Variants in C12orf42 observed in about 807,000 individuals in gnomAD.
The protein encoded by C12orf42 is chromosome 12 open reading frame 42.
In C12orf42, 25 loss-of-function variants were observed where a neutral mutation model predicts 21.6. The ratio of observed to expected loss-of-function variants is 1.16; its 90% CI spans 0.84 to 1.62. The LOEUF (loss-of-function observed/expected upper bound fraction) is 1.62. C12orf42 is among the 40% of genes most tolerant of loss of function. C12orf42 has a pLI of 0.00. For synonymous variants in C12orf42, 174 were observed against 175.0 expected (o/e 0.99, Z 0.05); for missense variants, 483 against 459.3 (o/e 1.05, Z -0.47).
intron 3 of C12orf42, among the ~76,000 whole-genome samples, chr12:103,395,620 C>A (rs2047463991): frequency 1.3e-5 from 2 of 152,076 alleles, no homozygotes; most frequent in Admixed American, 6.5e-5. Context: ...CAGGCGTGAG[C>A]CACCACGCCA....
the C12orf42 span, among the ~76,000 whole-genome samples, chr12:103,508,075 A>G: frequency 1.3e-5 from 2 of 152,294 alleles, no homozygotes. Context: ...TGAGTCCAAT[A>G]TCTTATTTTC....
the C12orf42 span, among the ~76,000 whole-genome samples, chr12:103,101,252 AAGG>A: frequency 1.3e-5 from 2 of 152,198 alleles, no homozygotes; most frequent in African/African-American, 2.4e-5. Context: ...TAGAACAGTA[AAGG>A]TAAAAACTGT....
At chr12:103,521,993 T>G in the C12orf42 span, among the ~76,000 whole-genome samples, 1 of 152,206 alleles carries the variant, frequency 6.6e-6, no homozygotes, top group Non-Finnish European at 1.5e-5. Context: ...CCCTCAGTTG[T>G]GCTGTCTCCT....
At chr12:103,563,692 T>A in the C12orf42 span, among the ~76,000 whole-genome samples, 2 of 151,972 alleles carry the variant, frequency 1.3e-5, no homozygotes, top group African/African-American at 4.8e-5. Flanking sequence ...ATGATCCACA[T>A]GAAAAACTGA....
At chr12:103,241,978 A>G (rs2033772131) in intron 10 of C12orf42, among the ~76,000 whole-genome samples, 1 of 152,192 alleles carries the variant, frequency 6.6e-6, no homozygotes, top group Non-Finnish European at 1.5e-5. Context: ...TTATTTAATT[A>G]AACACTTGCT....
At chr12:103,312,975 C>T (rs923884950) in intron 4 of C12orf42, among the ~76,000 whole-genome samples, 2 of 152,202 alleles carry the variant, frequency 1.3e-5, no homozygotes, top group Non-Finnish European at 2.9e-5. Flanking sequence ...AGCGAGCTGA[C>T]CACTTCACAC....
At chr12:103,052,555 A>G in the C12orf42 span, among the ~76,000 whole-genome samples, 1 of 151,984 alleles carries the variant, frequency 6.6e-6, no homozygotes, top group Non-Finnish European at 1.5e-5. Context: ...GGAGTTATTT[A>G]TATATTCTGG....
chr12:103,320,055 G>A (rs747364808), intron 4 of C12orf42, among the ~76,000 whole-genome samples: 9 of 152,088 alleles, frequency 5.9e-5, no homozygotes, highest in African/African-American at 1.7e-4. Context: ...TTTCACAACC[G>A]AGAAAGAAAA....
At chr12:103,553,685 C>A in the C12orf42 span, among the ~76,000 whole-genome samples, 9 of 152,320 alleles carry the variant, frequency 5.9e-5, no homozygotes, top group East Asian at 1.7e-3. Flanking sequence ...CCAGTCCCCA[C>A]CCCAGCCCCA....
At chr12:103,056,914 A>G in the C12orf42 span, among the ~76,000 whole-genome samples, 12 of 152,134 alleles carry the variant, frequency 7.9e-5, no homozygotes, top group Non-Finnish European at 1.3e-4. Context: ...GCACGTTCAT[A>G]ATTGCTTGTT....
chr12:103,071,868 T>C, the C12orf42 span, among the ~76,000 whole-genome samples: 1 of 152,034 alleles, frequency 6.6e-6, no homozygotes, highest in Non-Finnish European at 1.5e-5. Flanking sequence ...AGACCAAAAA[T>C]AGGATAATTA....
intron 2 of C12orf42, among the ~76,000 whole-genome samples, chr12:103,432,103 A>T (rs1311762341): frequency 6.6e-6 from 1 of 152,128 alleles, no homozygotes; most frequent in Non-Finnish European, 1.5e-5. Flanking sequence ...GGCTGTCCAC[A>T]TGTGTAGTGT....
the C12orf42 span, among the ~76,000 whole-genome samples, chr12:103,078,550 T>G: frequency 6.6e-6 from 1 of 152,206 alleles, no homozygotes; most frequent in Non-Finnish European, 1.5e-5. Context: ...CTGATTTAAT[T>G]GTCAAACATA....
chr12:103,398,693 CT>C (rs1156322818), intron 3 of C12orf42, among the ~76,000 whole-genome samples: 3 of 151,786 alleles, frequency 2.0e-5, no homozygotes, highest in Admixed American at 6.6e-5. Flanking sequence ...ATAATATTAC[CT>C]TTTTTTTCTG....
chr12:103,108,612 T>G, the C12orf42 span, among the ~76,000 whole-genome samples: 1 of 152,122 alleles, frequency 6.6e-6, no homozygotes. Flanking sequence ...GAAGGAATCT[T>G]TCTGAAAGAC....
At chr12:103,374,809 C>T (rs757580288) in intron 3 of C12orf42, among the ~76,000 whole-genome samples, 3 of 152,134 alleles carry the variant, frequency 2.0e-5, no homozygotes, top group Non-Finnish European at 2.9e-5. Flanking sequence ...TGGTTGCTCT[C>T]GTTCAACCTA....
intron 3 of C12orf42, among the ~76,000 whole-genome samples, chr12:103,375,635 G>A (rs1593687245): frequency 6.6e-6 from 1 of 152,126 alleles, no homozygotes; most frequent in African/African-American, 2.4e-5. Flanking sequence ...TGTTCAGCTT[G>A]TAGGTTCAGA....
intron 4 of C12orf42, among the ~76,000 whole-genome samples, chr12:103,333,932 A>G (rs892169485): frequency 1.3e-5 from 2 of 152,238 alleles, no homozygotes; most frequent in Non-Finnish European, 2.9e-5. Flanking sequence ...TAACAGCAGC[A>G]TAAGTGCCTG....
At chr12:103,432,262 C>G (rs1430759735) in intron 2 of C12orf42, among the ~76,000 whole-genome samples, 1 of 152,152 alleles carries the variant, frequency 6.6e-6, no homozygotes, top group Non-Finnish European at 1.5e-5. Flanking sequence ...AGATCTTAGC[C>G]ACAAGATGCT....
Sources: gnomAD v4.1 joint callset for allele counts (sites outside exome capture counted in the v4.1 genomes callset) on GRCh38, gnomAD v4.1.1 for gene constraint, MANE v1.5 for transcripts, NCBI Gene and HGNC (gene_info 2026-07-23, HGNC 2026-07-21) for gene names.